CDK17: variants seen among roughly 807,000 people sequenced by gnomAD.
The protein encoded by CDK17 is cyclin dependent kinase 17.
CDK17 carries 24 observed loss-of-function variants against 77.6 expected under a neutral mutation model. That is an observed-to-expected ratio of 0.31 (90% confidence interval 0.22 to 0.44). CDK17 has a LOEUF of 0.44. Ranked by LOEUF, CDK17 falls within the 20% of genes least tolerant of loss-of-function variation. The pLI, the probability that CDK17 is intolerant of heterozygous loss-of-function variation, is 1.00. For missense variants in CDK17, 429 were observed against 622.5 expected, an observed-to-expected ratio of 0.69 and a Z score of 3.31; for synonymous variants, 203 against 210.4, an observed-to-expected ratio of 0.96 and a Z score of 0.30.
Position 96,292,843 on chromosome 12 carries a change from T to TAA in CDK17, c.997+2154_997+2155dup, listed in dbSNP as rs538105280. 9.9e-3 allele frequency among the ~76,000 whole-genome samples: 1,468 copies of TAA among 147,916 alleles called. 42 individuals are homozygous for TAA. The highest frequency in any genetic ancestry group is 0.063 in the Admixed American group (927 of 14,830). ...TCAATTCCCTTAAAACCAGATTAGC[T>TAA]AAAAAAAAAATAGATAAATAGCTAC... On this transcript the variant is annotated intron_variant, in intron 10 of 16. Transcript: ENST00000261211.
intron 1 of CDK17, among the ~76,000 whole-genome samples, chr12:96,396,647 T>A (rs1028259766): frequency 6.6e-6 from 1 of 152,206 alleles, no homozygotes; most frequent in Non-Finnish European, 1.5e-5. Context: ...AACCTAAAAC[T>A]ATTCATCCTT....
intron 3 of CDK17, among the ~76,000 whole-genome samples, chr12:96,316,213 G>A (rs567419684): frequency 6.6e-6 from 1 of 152,044 alleles, no homozygotes; most frequent in Non-Finnish European, 1.5e-5. Flanking sequence ...CTGGAAAATC[G>A]GGTCACTCCC....
chr12:96,389,022 T>C (rs1172630554), intron 1 of CDK17, among the ~76,000 whole-genome samples: 1 of 134,330 alleles, frequency 7.4e-6, no homozygotes, highest in Non-Finnish European at 1.6e-5. Flanking sequence ...AGGCCTCACT[T>C]TTTTTTATTA....
At chr12:96,298,029 GCCTGTAATC>G (rs1022973104) in intron 7 of CDK17, among the ~76,000 whole-genome samples, 38 of 152,244 alleles carry the variant, frequency 2.5e-4, no homozygotes, top group African/African-American at 9.1e-4. Flanking sequence ...GGTGGCTCAT[GCCTGTAATC>G]CCAGCACTTT....
At position 96,280,893 on chromosome 12, in the gene CDK17, G is replaced by A. The variant is rs201360850; in HGVS notation, c.1457-8C>T. On this transcript the variant is annotated splice_region_variant and splice_polypyrimidine_tract_variant and intron_variant, in intron 15 of 16. Transcript: ENST00000261211. ...AACTGAATATTGATACACCTAAAAT[G>A]CATAGACAAAAATTATTAGGTGAAG... 42 of 1,605,896 alleles carry A rather than the reference G, an allele frequency of 2.6e-5. No homozygotes were observed. In the East Asian group the frequency reaches 9.4e-4, roughly 36 times the overall value.
At chr12:96,387,298 G>A in intron 1 of CDK17, 1 of 170,932 alleles carries the variant, frequency 5.9e-6, no homozygotes, top group East Asian at 1.7e-4. Flanking sequence ...TTTAATGTAT[G>A]AGTGGTTCCT....
chr12:96,399,196 C>A (rs1954218490), intron 1 of CDK17: 2 of 152,344 alleles, frequency 1.3e-5, no homozygotes, highest in South Asian at 4.1e-4. Flanking sequence ...CTGGAGCTAT[C>A]CAGCTGAGTT....
intron 1 of CDK17, among the ~76,000 whole-genome samples, chr12:96,380,248 T>C (rs1953857539): frequency 1.3e-5 from 2 of 148,558 alleles, no homozygotes; most frequent in Admixed American, 6.7e-5. Flanking sequence ...ACCAAAAAAT[T>C]ACCCAAAAAA....
At chr12:96,355,309 CAGTG>C (rs1223742191) in intron 1 of CDK17, among the ~76,000 whole-genome samples, 3 of 151,322 alleles carry the variant, frequency 2.0e-5, no homozygotes, top group Non-Finnish European at 4.4e-5. Flanking sequence ...TTGTACAAAA[CAGTG>C]AGAACTCTAC....
chr12:96,331,341 G>GA (rs1341169669), intron 2 of CDK17, among the ~76,000 whole-genome samples: 1 of 151,936 alleles, frequency 6.6e-6, no homozygotes, highest in East Asian at 1.9e-4. Context: ...AGGCACTACA[G>GA]AAAAAAATAT....
At chr12:96,311,614 TACAA>T (rs1952646848) in intron 4 of CDK17, among the ~76,000 whole-genome samples, 2 of 149,998 alleles carry the variant, frequency 1.3e-5, no homozygotes, top group Non-Finnish European at 3.0e-5. Flanking sequence ...TATTTAATTA[TACAA>T]TGTGAGCTGG....
rs1025062008 is a variant in CDK17, at chr12:96,279,005, G to C, written c.*1237C>G. ...TTATGACTATTTTCATGATATATAAGGCAAAAATTTACACGACCATTTCAA... is the reference window on the plus strand; with the variant it reads ...TTATGACTATTTTCATGATATATAACGCAAAAATTTACACGACCATTTCAA... On this transcript the variant is annotated 3_prime_UTR_variant, in exon 17 of 17. Coordinates refer to ENST00000261211, the MANE Select transcript of CDK17 (RefSeq NM_002595.5). 6 of 152,372 alleles carry C rather than the reference G, an allele frequency of 3.9e-5. No homozygotes were observed. Among genetic ancestry groups the C allele is most frequent in the Admixed American group, 1.3e-4 (2 of 15,256 alleles). The allele number at this position is 152,372 out of a possible 1,614,324, so 9.4% of individuals were successfully genotyped here. A position where few individuals can be genotyped will look rare whatever the true frequency, so the allele number is the denominator to read the frequency against.
intron 1 of CDK17, among the ~76,000 whole-genome samples, chr12:96,397,717 G>A (rs1954193780): frequency 6.6e-6 from 1 of 151,868 alleles, no homozygotes; most frequent in East Asian, 1.9e-4. Context: ...TAACACTGAA[G>A]GTTCAATTTT....
rs1565799070 is a variant in CDK17, at chr12:96,278,383, T to C, written c.*1859A>G. 1 of 151,696 alleles carries C rather than the reference T, an allele frequency of 6.6e-6. No homozygotes were observed. The highest frequency in any genetic ancestry group is 2.4e-5 in the African/African-American group (1 of 41,304). The allele number at this position is 151,696 out of a possible 1,614,324, so 9.4% of individuals were successfully genotyped here. A position where few individuals can be genotyped will look rare whatever the true frequency, so the allele number is the denominator to read the frequency against. On this transcript the variant is annotated 3_prime_UTR_variant, in exon 17 of 17. Coordinates refer to ENST00000261211, the MANE Select transcript of CDK17 (RefSeq NM_002595.5). ...TGATACTTTATAATTGAGAGTGCTATAAAAAAAACCCAGCAGAAATTACTA... is the reference window on the plus strand; with the variant it reads ...TGATACTTTATAATTGAGAGTGCTACAAAAAAAACCCAGCAGAAATTACTA...
chr12:96,306,815 CACTG>C (rs1952582826), intron 5 of CDK17, among the ~76,000 whole-genome samples: 2 of 152,286 alleles, frequency 1.3e-5, no homozygotes, highest in South Asian at 2.1e-4. Flanking sequence ...GCCCTCCCTT[CACTG>C]ACTATGTTCA....
intron 3 of CDK17, among the ~76,000 whole-genome samples, chr12:96,322,173 T>C (rs1443655943): frequency 6.6e-6 from 1 of 152,138 alleles, no homozygotes; most frequent in Non-Finnish European, 1.5e-5. Context: ...GAAACAATGA[T>C]GGCTTGTCAG....
intron 3 of CDK17, among the ~76,000 whole-genome samples, chr12:96,313,969 C>T (rs1371534013): frequency 6.6e-6 from 1 of 152,140 alleles, no homozygotes; most frequent in African/African-American, 2.4e-5. Flanking sequence ...GCAGTTTCTC[C>T]TCCCTGCACC....
At chr12:96,283,873 T>C (rs1952209469) in intron 13 of CDK17, among the ~76,000 whole-genome samples, 1 of 152,208 alleles carries the variant, frequency 6.6e-6, no homozygotes. Context: ...ATTTTCAATA[T>C]CCAAGAACAA....
chr12:96,298,882 T>C lies in CDK17; in HGVS notation c.702A>G (p.Thr234=). The change falls in exon 7 of 17, where the codon ACA becomes ACG. Residue 234 remains threonine, a synonymous_variant. Transcript: ENST00000261211. ...RLEHEEGAPC[T]AIREVSLLKD... is the part of the protein sequence containing the mutation. ...TAATTATTATACCTTCTCTTATAGC[T>C]GTGCAGGGTGCACCTTCTTCATGTT... 6.4e-7 allele frequency: 1 copy of C among 1,571,028 alleles called. No individual in the cohort carries two copies. Among genetic ancestry groups the C allele is most frequent in the Non-Finnish European group, 8.7e-7 (1 of 1,143,976 alleles).
Sources: allele counts gnomAD v4.1 joint callset (sites outside exome capture counted in the v4.1 genomes callset), GRCh38; gene constraint gnomAD v4.1.1; transcripts MANE v1.5; gene names NCBI Gene and HGNC (gene_info 2026-07-23, HGNC 2026-07-21).